The following POU6F2 variants were observed in gnomAD, a reference collection of about 807,000 sequenced individuals.
POU6F2 encodes POU class 6 homeobox 2.
A neutral mutation model predicts 71.3 loss-of-function variants in POU6F2; 31 were observed. The observed-to-expected ratio is 0.43, with a 90% CI of 0.33 to 0.59. The LOEUF (loss-of-function observed/expected upper bound fraction) is 0.59. POU6F2 is among the 20% of genes least tolerant of loss of function. POU6F2 has a pLI of 0.04. For missense variants in POU6F2, 783 were observed against 856.8 expected (o/e 0.91, Z 1.07); for synonymous variants, 347 against 355.7 (o/e 0.98, Z 0.27).
intron 2 of POU6F2, among the ~76,000 whole-genome samples, chr7:39,197,244 G>A (rs1793806594): frequency 6.6e-6 from 1 of 152,190 alleles, no homozygotes; most frequent in Non-Finnish European, 1.5e-5. Flanking sequence ...CTTGGGCTCA[G>A]GTGAGGGGAA....
intron 4 of POU6F2, among the ~76,000 whole-genome samples, chr7:39,261,065 GCACACACA>G (rs72377948): frequency 4.1e-5 from 6 of 147,876 alleles, no homozygotes; most frequent in East Asian, 2.0e-4. Context: ...ATACACACAT[GCACACACA>G]CACACACACA....
chr7:39,009,935 T>C (rs1247194270), intron 1 of POU6F2, among the ~76,000 whole-genome samples: 3 of 151,954 alleles, frequency 2.0e-5, no homozygotes, highest in African/African-American at 2.4e-5. Context: ...CAGTATTTTA[T>C]TGAGGATTTT....
rs1788570066 is a variant in POU6F2, at chr7:38,990,247, T to C, written c.105+12189T>C. 3.3e-5 allele frequency among the ~76,000 whole-genome samples: 5 copies of C among 150,232 alleles called. 1 individual carries two copies. In the South Asian group the frequency reaches 1.1e-3, roughly 32 times the overall value. Reference sequence around the variant, plus strand: ...TATCTTAACTCAAATTTTGGAAAACTTAAAAAAAATCCTGTGGTATTTCTC... The same window carrying C: ...TATCTTAACTCAAATTTTGGAAAACCTAAAAAAAATCCTGTGGTATTTCTC... On this transcript the variant is annotated intron_variant, in intron 1 of 9. Transcript: ENST00000518318.
intron 2 of POU6F2, among the ~76,000 whole-genome samples, chr7:39,094,022 C>A: frequency 6.6e-6 from 1 of 152,022 alleles, no homozygotes; most frequent in East Asian, 1.9e-4. Context: ...TTCATGCTAT[C>A]CATCCATCAT....
chr7:39,025,814 C>A (rs904172092), intron 1 of POU6F2, among the ~76,000 whole-genome samples: 4 of 151,184 alleles, frequency 2.6e-5, no homozygotes, highest in Non-Finnish European at 5.9e-5. Context: ...GAACAGGCAA[C>A]CTACAAAATG....
intron 7 of POU6F2, among the ~76,000 whole-genome samples, chr7:39,447,346 C>T (rs1788549066): frequency 6.6e-6 from 1 of 152,266 alleles, no homozygotes; most frequent in South Asian, 2.1e-4. Flanking sequence ...CCCACAATTC[C>T]CAGCTCCCTG....
chr7:39,044,944 G>A (rs774650941), intron 1 of POU6F2, among the ~76,000 whole-genome samples: 1 of 151,842 alleles, frequency 6.6e-6, no homozygotes, highest in African/African-American at 2.4e-5. Context: ...CATTCCAGGG[G>A]CATGGTTTGG....
At position 39,398,876 on chromosome 7, in the gene POU6F2, A is replaced by G. The variant is rs188645251; in HGVS notation, c.973-7724A>G. ...CTATATTATCTCATATATTCTTCAC[A>G]ACAACCCTACAATGTCATTACAACT... On this transcript the variant is annotated intron_variant, in intron 5 of 9. Coordinates refer to ENST00000518318, the MANE Select transcript of POU6F2 (RefSeq NM_001370959.1). Among the ~76,000 whole-genome samples the G allele has an allele frequency of 5.5e-4, 83 of 152,282 alleles. 1 individual carries two copies. The highest frequency in any genetic ancestry group is 1.9e-3 in the African/African-American group (81 of 41,556).
intron 1 of POU6F2, among the ~76,000 whole-genome samples, chr7:39,043,266 GA>G (rs902257954): frequency 1.6e-4 from 25 of 151,600 alleles, no homozygotes; most frequent in African/African-American, 5.6e-4. Flanking sequence ...AATACACTGG[GA>G]AAAAAAATGG....
At chr7:39,270,558 G>A (rs1457759032) in intron 4 of POU6F2, among the ~76,000 whole-genome samples, 1 of 152,150 alleles carries the variant, frequency 6.6e-6, no homozygotes, top group East Asian at 1.9e-4. Flanking sequence ...CTGCAGAGTG[G>A]AAGGTAAGGG....
chr7:39,194,701 T>C (rs930230610), intron 2 of POU6F2, among the ~76,000 whole-genome samples: 1 of 152,202 alleles, frequency 6.6e-6, no homozygotes, highest in Non-Finnish European at 1.5e-5. Flanking sequence ...TGTGGGATAT[T>C]TGTTCTTTCG....
chr7:39,371,957 C>T (rs563881279), intron 5 of POU6F2, among the ~76,000 whole-genome samples: 1 of 152,216 alleles, frequency 6.6e-6, no homozygotes, highest in South Asian at 2.1e-4. Flanking sequence ...GCTCTGTCAC[C>T]CAGGCTGGAG....
chr7:39,345,893 A>G (rs925681875), intron 5 of POU6F2, among the ~76,000 whole-genome samples: 4 of 152,252 alleles, frequency 2.6e-5, no homozygotes, highest in Admixed American at 2.6e-4. Flanking sequence ...TAAAGATATA[A>G]AAGAGTATGA....
chr7:39,169,010 A>T (rs1373600376), intron 2 of POU6F2, among the ~76,000 whole-genome samples: 1 of 152,202 alleles, frequency 6.6e-6, no homozygotes, highest in Non-Finnish European at 1.5e-5. Context: ...GGATGGTGGG[A>T]TGCCCTACCT....
chr7:39,183,795 A>T (rs920319386), intron 2 of POU6F2, among the ~76,000 whole-genome samples: 2 of 152,226 alleles, frequency 1.3e-5, no homozygotes, highest in Non-Finnish European at 2.9e-5. Flanking sequence ...TATAGCTTCC[A>T]TTGACAAAGA....
chr7:39,339,897 A>G lies in POU6F2; in HGVS notation c.854A>G (p.His285Arg), dbSNP rs373622114. ...CCCCAGCAGCACCAACCCCACTCCC[A>G]CTCCCAGAACCAGAACCAACCATCT... is the stretch of plus-strand genomic sequence containing the variant. ...PQPQQHQPHS[H>R]SQNQNQPSPT... Residue 285 changes from histidine (H) to arginine (R), a missense_variant, in exon 5 of 10, where the codon CAC (histidine) becomes CGC (arginine). Transcript: ENST00000518318. 43 of 1,611,464 alleles carry G rather than the reference A, an allele frequency of 2.7e-5. No individual in the cohort carries two copies. Among genetic ancestry groups the G allele is most frequent in the Non-Finnish European group, 3.6e-5 (42 of 1,179,372 alleles).
intron 1 of POU6F2, among the ~76,000 whole-genome samples, chr7:39,054,669 A>G (rs543422122): frequency 5.3e-5 from 8 of 152,094 alleles, no homozygotes; most frequent in African/African-American, 1.9e-4. Context: ...TTGCTTAAAC[A>G]GACACACAAA....
intron 8 of POU6F2, among the ~76,000 whole-genome samples, chr7:39,454,611 G>C (rs1479079277): frequency 7.7e-6 from 1 of 130,270 alleles, no homozygotes; most frequent in Admixed American, 8.3e-5. Flanking sequence ...GAAATTATAA[G>C]AGTCTTATGA....
chr7:39,014,045 C>T (rs1246595405), intron 1 of POU6F2, among the ~76,000 whole-genome samples: 1 of 152,160 alleles, frequency 6.6e-6, no homozygotes, highest in Non-Finnish European at 1.5e-5. Context: ...TAAGCTTTTA[C>T]TGGCTCATGT....
Sources: allele counts gnomAD v4.1 joint callset (sites outside exome capture counted in the v4.1 genomes callset), GRCh38; gene constraint gnomAD v4.1.1; transcripts MANE v1.5; gene names NCBI Gene and HGNC (gene_info 2026-07-23, HGNC 2026-07-21).